Variants in PRSS23 observed in about 807,000 individuals in gnomAD.
PRSS23 encodes serine protease 23, also known as protease, serine 23.
A neutral mutation model predicts 34.7 loss-of-function variants in PRSS23; 25 were observed. That is an observed-to-expected ratio of 0.72 (90% confidence interval 0.53 to 1.01). PRSS23 has a LOEUF of 1.01. PRSS23 is among the 50% of genes least tolerant of loss of function. The pLI is 0.00. For missense variants in PRSS23, 445 were observed against 475.6 expected (o/e 0.94, Z 0.60); for synonymous variants, 176 against 186.6 (o/e 0.94, Z 0.46).
chr11:86,810,130 A>G lies in PRSS23; in HGVS notation c.*1335A>G, dbSNP rs931277261. 6.0e-6 allele frequency: 1 copy of G among 165,982 alleles called. No individual in the cohort carries two copies. Among genetic ancestry groups the G allele is most frequent in the African/African-American group, 2.4e-5 (1 of 41,448 alleles). The allele number at this position is 165,982 out of a possible 1,614,324, so 10.3% of individuals were successfully genotyped here. On this transcript the variant is annotated 3_prime_UTR_variant, in exon 2 of 2. Coordinates refer to ENST00000280258, the MANE Select transcript of PRSS23 (RefSeq NM_007173.6). ...CCTTTACACATGTTTTATCAATATG[A>G]TTATCAAATCACAGCATATACAGAA... is the stretch of plus-strand genomic sequence containing the variant.
chr11:86,888,689 GAGCCCCATCTGTAAATCCTAGT>G (rs1366692658), intron 2 of PRSS23, among the ~76,000 whole-genome samples: 3 of 152,212 alleles, frequency 2.0e-5, no homozygotes, highest in Non-Finnish European at 2.9e-5. Flanking sequence ...ACTTAAAGGA[GAGCCCCATCTGTAAATCCTAGT>G]AGCAGGCATT....
exon 3 of PRSS23, chr11:86,951,429 G>T: frequency 6.2e-7 from 1 of 1,612,598 alleles, no homozygotes; most frequent in Non-Finnish European, 8.5e-7. Context: ...ACTGTGTACA[G>T]TACTGAGAAC....
chr11:86,939,426 A>ATATATATATATT lies in PRSS23; in HGVS notation c.207-11789_207-11788insATATATATATTT. Among the ~76,000 whole-genome samples the ATATATATATATT allele has an allele frequency of 2.0e-3, 184 of 93,800 alleles. 3 individuals carry two copies. The highest frequency in any genetic ancestry group is 2.9e-3 in the Non-Finnish European group (124 of 43,008). The allele number at this position is 93,800 out of a possible 152,430, so 61.5% of individuals were successfully genotyped here. On this transcript the variant is annotated intron_variant, in intron 2 of 2. Coordinates refer to the PRSS23 transcript ENST00000533902. ...AAAATATATATATATATATATATAT[A>ATATATATATATT]TTTTTTAACATGAGTAAAAATTGCA...
intron 2 of PRSS23, chr11:86,946,938 G>GCTCACACTTGTAA (rs1458859905): frequency 6.6e-6 from 1 of 152,378 alleles, no homozygotes; most frequent in African/African-American, 2.4e-5. Flanking sequence ...AGGTGTGGTG[G>GCTCACACTTGTAA]CTCACACTTG....
At chr11:86,814,376 G>A (rs1948200804), downstream of PRSS23, among the ~76,000 whole-genome samples, 1 of 152,026 alleles carries the variant, frequency 6.6e-6, no homozygotes, top group Non-Finnish European at 1.5e-5. Context: ...GGAGGAGGAG[G>A]AGGAGGCAGT....
At chr11:86,845,042 C>T (rs1490685041) in intron 2 of PRSS23, among the ~76,000 whole-genome samples, 2 of 150,726 alleles carry the variant, frequency 1.3e-5, no homozygotes, top group African/African-American at 4.9e-5. Flanking sequence ...GAGCTGAGAT[C>T]ACACCATTGC....
At chr11:86,872,063 AG>A (rs747635600) in intron 2 of PRSS23, among the ~76,000 whole-genome samples, 6 of 152,206 alleles carry the variant, frequency 3.9e-5, no homozygotes, top group Non-Finnish European at 7.3e-5. Flanking sequence ...ATTAGCAGTA[AG>A]GGGTGTTCAG....
intron 1 of PRSS23, chr11:86,821,429 G>T: frequency 6.5e-7 from 1 of 1,536,684 alleles, no homozygotes; most frequent in Non-Finnish European, 9.0e-7. Flanking sequence ...CAGAAGACAT[G>T]CAGCACCATC....
intron 2 of PRSS23, among the ~76,000 whole-genome samples, chr11:86,931,707 C>A (rs933375403): frequency 6.6e-6 from 1 of 152,116 alleles, no homozygotes; most frequent in Non-Finnish European, 1.5e-5. Context: ...AACAGCTGGA[C>A]TTGTGCTTTT....
chr11:86,938,968 C>T (rs1009024037), intron 2 of PRSS23: 1 of 425,536 alleles, frequency 2.3e-6, no homozygotes, highest in Non-Finnish European at 4.6e-6. Context: ...GAGGCCTTCT[C>T]AAAAATATAG....
rs1227072272 is a variant in PRSS23 at position 86,913,400 on chromosome 11, GT to G, written c.207-37803del. On this transcript the variant is annotated intron_variant, in intron 2 of 2. Transcript: ENST00000533902. ...CCATAGCCTTCAGGTTTGTATTGGT[GT>G]TTTTTTTTTTTTCAATAGTCTACTG... Among the ~76,000 whole-genome samples, 198 of 136,374 alleles carry G rather than the reference GT, an allele frequency of 1.5e-3. 4 individuals are homozygous for G. The highest frequency in any genetic ancestry group is 7.6e-3 in the Middle Eastern group (2 of 262). 89.5% of individuals were successfully genotyped at this position (136,374 alleles called of 152,430 possible).
At chr11:86,920,435 G>A (rs1949040786) in intron 2 of PRSS23, among the ~76,000 whole-genome samples, 1 of 152,184 alleles carries the variant, frequency 6.6e-6, no homozygotes, top group Non-Finnish European at 1.5e-5. Context: ...GAAGAGAGAA[G>A]GAGGAAAAAC....
chr11:86,943,592 C>T (rs575439081), intron 2 of PRSS23, among the ~76,000 whole-genome samples: 1 of 151,632 alleles, frequency 6.6e-6, no homozygotes, highest in Non-Finnish European at 1.5e-5. Context: ...TCATTGCACT[C>T]CAGCCTGGGT....
chr11:86,941,462 TGGACCC>T (rs1949207019), intron 2 of PRSS23, among the ~76,000 whole-genome samples: 1 of 150,964 alleles, frequency 6.6e-6, no homozygotes, highest in Non-Finnish European at 1.5e-5. Flanking sequence ...TGGCACACGA[TGGACCC>T]TCATTTCAGC....
chr11:86,900,777 C>CTGTTT (rs58736771), intron 2 of PRSS23, among the ~76,000 whole-genome samples: 1 of 105,654 alleles, frequency 9.5e-6, no homozygotes, highest in African/African-American at 3.4e-5. Flanking sequence ...TATTATCTCT[C>CTGTTT]TCTCTTTTTT....
rs549376757 is a variant in PRSS23 at position 86,821,805 on chromosome 11, C to A, written c.-11-1572C>A. The A allele has an allele frequency of 9.1e-6, 7 of 772,310 alleles. No individual in the cohort carries two copies. In the Admixed American group the frequency reaches 1.0e-4, roughly 11 times the overall value. 47.8% of individuals were successfully genotyped at this position (772,310 alleles called of 1,614,324 possible). A position where few individuals can be genotyped will look rare whatever the true frequency, so the allele number is the denominator to read the frequency against. On this transcript the variant is annotated intron_variant, in intron 1 of 2. Transcript: ENST00000533902. ...TTCCGCCTCAGCACGCTGCCCCCTC[C>A]GCCATGACCATAGTGTCAGCGTCTG... is the stretch of plus-strand genomic sequence containing the variant.
chr11:86,893,953 G>C (rs1052597039), intron 2 of PRSS23, among the ~76,000 whole-genome samples: 2 of 152,166 alleles, frequency 1.3e-5, no homozygotes, highest in Non-Finnish European at 2.9e-5. Flanking sequence ...CAGAAATAGA[G>C]TGGGAGTAAA....
intron 2 of PRSS23, chr11:86,945,677 C>T (rs1214848766): frequency 6.6e-6 from 1 of 152,632 alleles, no homozygotes; most frequent in African/African-American, 2.4e-5. Flanking sequence ...TCACACACAA[C>T]CTAACAAACA....
chr11:86,943,450 C>G (rs1229882173), intron 2 of PRSS23, among the ~76,000 whole-genome samples: 1 of 151,946 alleles, frequency 6.6e-6, no homozygotes, highest in Non-Finnish European at 1.5e-5. Context: ...CATGGTGAAA[C>G]CCCATCTCCA....
Sources: gnomAD v4.1 joint callset for allele counts (sites outside exome capture counted in the v4.1 genomes callset) on GRCh38, gnomAD v4.1.1 for gene constraint, MANE v1.5 for transcripts, NCBI Gene and HGNC (gene_info 2026-07-23, HGNC 2026-07-21) for gene names.